Variants in CERS6 observed in about 807,000 individuals in gnomAD.
CERS6 encodes LAG1 homolog, ceramide synthase 6.
Under a neutral mutation model 56.8 loss-of-function variants are expected in CERS6, and 26 were observed. That is an observed-to-expected ratio of 0.46 (90% CI 0.34 to 0.63). The LOEUF (loss-of-function observed/expected upper bound fraction) is 0.63. Ranked by LOEUF, CERS6 falls within the 30% of genes least tolerant of loss-of-function variation. The pLI is 0.01. For synonymous variants in CERS6, 164 were observed against 173.3 expected, an observed-to-expected ratio of 0.95 and a Z score of 0.42; for missense variants, 415 against 467.5, an observed-to-expected ratio of 0.89 and a Z score of 1.04.
intron 1 of CERS6, among the ~76,000 whole-genome samples, chr2:168,538,065 C>T (rs1695297447): frequency 6.6e-6 from 1 of 150,870 alleles, no homozygotes; most frequent in African/African-American, 2.5e-5. Flanking sequence ...GCTGCCACCA[C>T]CTCTGGCCTG....
chr2:168,576,992 A>C (rs569002954), intron 3 of CERS6, among the ~76,000 whole-genome samples: 1 of 152,312 alleles, frequency 6.6e-6, no homozygotes, highest in East Asian at 1.9e-4. Context: ...GATTTTGGTC[A>C]TGTGAATCTG....
chr2:168,614,055 A>T (rs1300660361), intron 3 of CERS6, among the ~76,000 whole-genome samples: 1 of 152,206 alleles, frequency 6.6e-6, no homozygotes, highest in Non-Finnish European at 1.5e-5. Flanking sequence ...ACTGGCATTT[A>T]TTGGAAAAAT....
chr2:168,574,583 C>T lies in CERS6; in HGVS notation c.407+13261C>T, dbSNP rs189860543. Among the ~76,000 whole-genome samples, 374 of 152,170 alleles carry T rather than the reference C, an allele frequency of 2.5e-3. 2 individuals carry two copies. The highest frequency in any genetic ancestry group is 8.6e-3 in the African/African-American group (357 of 41,516). Reference sequence around the variant, plus strand: ...AAAACAAGGCGATAACCTTAAAAACCTGATAAAGTTGTTATTTAATATAGT... The same window carrying T: ...AAAACAAGGCGATAACCTTAAAAACTTGATAAAGTTGTTATTTAATATAGT... On this transcript the variant is annotated intron_variant, in intron 3 of 9. Transcript: ENST00000305747.
intron 3 of CERS6, among the ~76,000 whole-genome samples, chr2:168,600,586 CT>C (rs1285760215): frequency 6.6e-6 from 1 of 152,176 alleles, no homozygotes; most frequent in African/African-American, 2.4e-5. Flanking sequence ...TCCCCTTAAC[CT>C]AGAAGTGTTT....
chr2:168,487,358 C>T (rs1694293154), intron 1 of CERS6, among the ~76,000 whole-genome samples: 1 of 152,206 alleles, frequency 6.6e-6, no homozygotes, highest in Non-Finnish European at 1.5e-5. Context: ...TTGTCTCTCT[C>T]CTCTACTATT....
intron 8 of CERS6, among the ~76,000 whole-genome samples, chr2:168,729,340 C>T (rs62174443): frequency 0.036 from 5,494 of 152,250 alleles, 112 homozygotes; most frequent in East Asian, 0.068. Flanking sequence ...GATGAAGAAC[C>T]GTCGTCAACT....
intron 4 of CERS6, among the ~76,000 whole-genome samples, chr2:168,657,985 A>G (rs1685533766): frequency 6.6e-6 from 1 of 152,232 alleles, no homozygotes. Flanking sequence ...GAGGACTGCC[A>G]GCACACTGTC....
chr2:168,662,385 G>A lies in CERS6; in HGVS notation c.466-28649G>A, dbSNP rs750234701. 1.1e-3 allele frequency among the ~76,000 whole-genome samples: 169 copies of A among 152,220 alleles called. 5 individuals are homozygous for A. The Middle Eastern group carries it at 0.024, about 21-fold the overall frequency. ...TGCTGTAAAAGGAAGAGTATCACTG[G>A]TGAGGGCTGGAGACAGGCAGTGTCT... On this transcript the variant is annotated intron_variant, in intron 4 of 9. Transcript: ENST00000305747.
intron 5 of CERS6, 77 bp from the exon 6 acceptor site, chr2:168,694,882 T>G: frequency 2.2e-5 from 25 of 1,116,046 alleles, no homozygotes; most frequent in Non-Finnish European, 2.9e-5. Context: ...TTTTGAGCAG[T>G]GAGCTTGAGA....
At chr2:168,506,814 T>C (rs1419323842) in intron 1 of CERS6, among the ~76,000 whole-genome samples, 1 of 152,208 alleles carries the variant, frequency 6.6e-6, no homozygotes, top group Non-Finnish European at 1.5e-5. Context: ...TTATTAAATG[T>C]TCGTGGCTTA....
intron 8 of CERS6, among the ~76,000 whole-genome samples, chr2:168,759,735 G>T (rs879931085): frequency 1.3e-5 from 2 of 152,020 alleles, no homozygotes; most frequent in African/African-American, 4.8e-5. Flanking sequence ...GTGTGTGGGG[G>T]ATAAACACAT....
At chr2:168,557,523 A>G (rs1449378260) in intron 2 of CERS6, among the ~76,000 whole-genome samples, 1 of 152,210 alleles carries the variant, frequency 6.6e-6, no homozygotes, top group Non-Finnish European at 1.5e-5. Flanking sequence ...AAATAGACCA[A>G]TGGAAGAAAA....
At chr2:168,691,958 TC>T (rs1686514668) in intron 5 of CERS6, among the ~76,000 whole-genome samples, 1 of 152,164 alleles carries the variant, frequency 6.6e-6, no homozygotes, top group Admixed American at 6.5e-5. Flanking sequence ...GCGTGCACAG[TC>T]CTATGGGGAG....
intron 8 of CERS6, among the ~76,000 whole-genome samples, chr2:168,722,243 C>G (rs955454753): frequency 8.5e-5 from 13 of 152,134 alleles, no homozygotes; most frequent in African/African-American, 2.9e-4. Context: ...TGAGGGTTGT[C>G]TTTCACTTCC....
At chr2:168,635,830 G>T (rs1684849116) in intron 4 of CERS6, among the ~76,000 whole-genome samples, 1 of 152,110 alleles carries the variant, frequency 6.6e-6, no homozygotes, top group Non-Finnish European at 1.5e-5. Context: ...TCTTCATGCG[G>T]TGTTCTCAAA....
At chr2:168,616,436 G>A (rs1389599302) in intron 3 of CERS6, among the ~76,000 whole-genome samples, 2 of 152,046 alleles carry the variant, frequency 1.3e-5, no homozygotes, top group Admixed American at 1.3e-4. Flanking sequence ...TAAAAGATAC[G>A]GAATGGCAGA....
chr2:168,577,594 C>T (rs1683304208), intron 3 of CERS6, among the ~76,000 whole-genome samples: 1 of 152,106 alleles, frequency 6.6e-6, no homozygotes, highest in Non-Finnish European at 1.5e-5. Flanking sequence ...TGGCAAGAGC[C>T]GAGCCTTGCC....
intron 2 of CERS6, among the ~76,000 whole-genome samples, chr2:168,554,649 T>A (rs1695642524): frequency 1.3e-5 from 2 of 152,146 alleles, no homozygotes; most frequent in Non-Finnish European, 2.9e-5. Flanking sequence ...TCCAGAACCA[T>A]GAGACTATAC....
intron 3 of CERS6, among the ~76,000 whole-genome samples, chr2:168,581,631 C>CT (rs1175237329): frequency 1.3e-5 from 2 of 152,104 alleles, no homozygotes; most frequent in Non-Finnish European, 2.9e-5. Context: ...TCTGTTTCAT[C>CT]TTTTAAAAAC....
Sources: gnomAD v4.1 joint callset for allele counts (sites outside exome capture counted in the v4.1 genomes callset) on GRCh38, gnomAD v4.1.1 for gene constraint, MANE v1.5 for transcripts, NCBI Gene and HGNC (gene_info 2026-07-23, HGNC 2026-07-21) for gene names.